Variants in TPST2 observed in about 807,000 individuals in gnomAD.
The protein encoded by TPST2 is protein-tyrosine sulfotransferase 2.
A neutral mutation model predicts 27.8 loss-of-function variants in TPST2; 16 were observed. That is an observed-to-expected ratio of 0.58 (90% CI 0.39 to 0.88). TPST2 has a LOEUF of 0.88. Among genes scored for constraint, TPST2 ranks in the 40% least tolerant of loss-of-function variants. The pLI is 0.00. For missense variants in TPST2, 464 were observed against 543.1 expected, an observed-to-expected ratio of 0.85 and a Z score of 1.45; for synonymous variants, 229 against 231.7, an observed-to-expected ratio of 0.99 and a Z score of 0.10.
intron 1 of TPST2, chr22:26,560,421 T>C: frequency 1.2e-5 from 8 of 654,600 alleles, no homozygotes; most frequent in South Asian, 1.1e-4. Context: ...TTAAATAAGA[T>C]ATTGTGCATT....
At chr22:26,544,440 AG>A (rs1647139268) in intron 2 of TPST2, among the ~76,000 whole-genome samples, 163 bp downstream of exon 2, 1 of 152,192 alleles carries the variant, frequency 6.6e-6, no homozygotes, top group African/African-American at 2.4e-5. Context: ...AGCTTTTTCT[AG>A]TACCAGATTT....
At chr22:26,551,492 G>A (rs949148053) in intron 1 of TPST2, among the ~76,000 whole-genome samples, 17 of 152,182 alleles carry the variant, frequency 1.1e-4, no homozygotes, top group African/African-American at 3.1e-4. Context: ...TGGGAGGCAG[G>A]GGAGCTAGAA....
At chr22:26,548,339 G>A (rs1360857906) in intron 1 of TPST2, among the ~76,000 whole-genome samples, 1 of 144,368 alleles carries the variant, frequency 6.9e-6, no homozygotes, top group Admixed American at 7.0e-5. Flanking sequence ...GGGGAGGGGA[G>A]AGGGAGGGGG....
chr22:26,584,033 G>A (rs751800856), intron 1 of TPST2, among the ~76,000 whole-genome samples: 8 of 152,214 alleles, frequency 5.3e-5, no homozygotes, highest in Non-Finnish European at 1.0e-4. Context: ...CTAAGCTCCT[G>A]GGTTTCCAAG....
intron 1 of TPST2, among the ~76,000 whole-genome samples, chr22:26,581,910 C>T (rs1928129802): frequency 6.6e-6 from 1 of 152,212 alleles, no homozygotes; most frequent in South Asian, 2.1e-4. Context: ...TACACAACAG[C>T]AGCCACAGAC....
chr22:26,531,083 A>C (rs1294884508), intron 5 of TPST2, among the ~76,000 whole-genome samples: 1 of 152,322 alleles, frequency 6.6e-6, no homozygotes, highest in South Asian at 2.1e-4. Context: ...CATATGCAAG[A>C]TGTCTAGCTG....
chr22:26,573,688 C>T (rs767205917), intron 1 of TPST2, among the ~76,000 whole-genome samples: 56 of 151,452 alleles, frequency 3.7e-4, no homozygotes, highest in Admixed American at 1.8e-3. Context: ...TGGCCTCAAC[C>T]TTTTTTTTTG....
intron 1 of TPST2, among the ~76,000 whole-genome samples, chr22:26,546,621 A>G (rs891096341): frequency 1.3e-5 from 2 of 152,242 alleles, no homozygotes; most frequent in African/African-American, 4.8e-5. Flanking sequence ...CTGTGCATCC[A>G]ACATGCAGCT....
intron 1 of TPST2, among the ~76,000 whole-genome samples, chr22:26,583,278 AATACAAAAAT>A (rs1179330689): frequency 1.3e-5 from 2 of 151,000 alleles, no homozygotes; most frequent in Non-Finnish European, 3.0e-5. Context: ...CTACCAAAAA[AATACAAAAAT>A]TAGCTGGGCA....
rs905673306 is a variant in TPST2 at position 26,586,394 on chromosome 22, C to T, written c.-161+3659G>A. Among the ~76,000 whole-genome samples, 8 of 152,114 alleles carry T rather than the reference C, an allele frequency of 5.3e-5. 1 individual carries two copies. The highest frequency in any genetic ancestry group is 4.1e-4 in the South Asian group (2 of 4,820). On this transcript the variant is annotated intron_variant, in intron 1 of 6. Transcript: ENST00000338754. ...CCTCCCGGCTATCTGGGAATACAGG[C>T]GCGCACCACCACGCCTGGCTAATTT... is the stretch of plus-strand genomic sequence containing the variant.
At chr22:26,567,341 C>A (rs1602293110) in intron 1 of TPST2, among the ~76,000 whole-genome samples, 2 of 152,326 alleles carry the variant, frequency 1.3e-5, no homozygotes, top group East Asian at 3.9e-4. Flanking sequence ...ATGGGCCTTG[C>A]TCACTGTTTA....
chr22:26,536,083 T>C (rs1176264184), intron 4 of TPST2: 1 of 729,616 alleles, frequency 1.4e-6, no homozygotes, highest in Non-Finnish European at 2.5e-6. Flanking sequence ...AGAGACAGGC[T>C]ACCAGTTGGC....
intron 1 of TPST2, among the ~76,000 whole-genome samples, chr22:26,572,281 G>T (rs1927659815): frequency 6.6e-6 from 1 of 152,096 alleles, no homozygotes; most frequent in Admixed American, 6.6e-5. Flanking sequence ...GAATTCTGCG[G>T]GGAGGCTAAG....
At chr22:26,583,646 C>T (rs941118490) in intron 1 of TPST2, among the ~76,000 whole-genome samples, 17 of 151,962 alleles carry the variant, frequency 1.1e-4, no homozygotes, top group African/African-American at 4.1e-4. Context: ...TCGAGACCAG[C>T]CTGGCCAATA....
intron 1 of TPST2, among the ~76,000 whole-genome samples, chr22:26,548,563 A>G (rs1308259276): frequency 6.9e-6 from 1 of 145,970 alleles, no homozygotes. Flanking sequence ...AGAAAGAGAG[A>G]AGAAAGAGAA....
chr22:26,541,293 C>A lies in TPST2; in HGVS notation c.338G>T (p.Trp113Leu). ...CAGCTTCTCACGGCCAGACTTGGAC[C>A]AGGCCTGGCGCATGGCCAGCACGCG... ...IPRVLAMRQA[W>L]SKSGREKLRL... Residue 113 changes from tryptophan (W) to leucine (L), a missense_variant, in exon 3 of 7, where the codon TGG becomes TTG. Transcript: ENST00000338754. This position sits in a 1 kb window ranked among gnomAD's most constrained non-coding sequence, Gnocchi z 5.9. The A allele has an allele frequency of 6.5e-7, 1 of 1,541,450 alleles. No homozygotes were observed. The highest frequency in any genetic ancestry group is 8.8e-7 in the Non-Finnish European group (1 of 1,142,484).
At position 26,560,722 on chromosome 22, in the gene TPST2, C is replaced by T. The variant is rs540848385; in HGVS notation, c.-160-16047G>A. ...GGAAAATTTGAAGATATGGCAAAGGCGGACAAGGCCCATTACGAAAGAGAA... is the reference window on the plus strand; with the variant it reads ...GGAAAATTTGAAGATATGGCAAAGGTGGACAAGGCCCATTACGAAAGAGAA... On this transcript the variant is annotated intron_variant, in intron 1 of 6. Transcript: ENST00000338754. The T allele has an allele frequency of 5.7e-5, 62 of 1,084,434 alleles. No individual in the cohort carries two copies. In the Admixed American group the frequency reaches 6.9e-4, roughly 12 times the overall value. 67.2% of individuals were successfully genotyped at this position (1,084,434 alleles called of 1,614,324 possible). A position where few individuals can be genotyped will look rare whatever the true frequency, so the allele number is the denominator to read the frequency against.
chr22:26,535,894 A>G (rs999495928), intron 4 of TPST2: 2 of 353,034 alleles, frequency 5.7e-6, no homozygotes, highest in South Asian at 2.2e-5. Context: ...ATTAAACCTT[A>G]TAAGACAAGA....
intron 1 of TPST2, among the ~76,000 whole-genome samples, chr22:26,569,399 CACAG>C (rs1307585774): frequency 2.6e-5 from 4 of 152,194 alleles, no homozygotes; most frequent in Non-Finnish European, 5.9e-5. Context: ...GTGCTGGTCA[CACAG>C]ACACATTCGT....
Sources: allele counts gnomAD v4.1 joint callset (sites outside exome capture counted in the v4.1 genomes callset), GRCh38; gene constraint gnomAD v4.1.1; non-coding constraint Gnocchi (gnomAD v3.1); transcripts MANE v1.5; gene names NCBI Gene and HGNC (gene_info 2026-07-23, HGNC 2026-07-21).